The following GRHL2 variants were observed in gnomAD, a reference collection of about 807,000 sequenced individuals.
GRHL2 encodes grainyhead-like protein 2 homolog.
A neutral mutation model predicts 83.8 loss-of-function variants in GRHL2; 21 were observed. The ratio of observed to expected loss-of-function variants is 0.25; its 90% CI spans 0.18 to 0.36. The LOEUF is 0.36. Among genes scored for constraint, GRHL2 ranks in the 10% least tolerant of loss-of-function variants. The pLI is 1.00. For synonymous variants in GRHL2, 280 were observed against 278.9 expected, an observed-to-expected ratio of 1.00 and a Z score of -0.04; for missense variants, 623 against 781.8, an observed-to-expected ratio of 0.80 and a Z score of 2.42.
At chr8:101,493,841 C>A (rs1393142025) in intron 1 of GRHL2, among the ~76,000 whole-genome samples, 1 of 151,942 alleles carries the variant, frequency 6.6e-6, no homozygotes, top group Non-Finnish European at 1.5e-5. Flanking sequence ...GGTCACTGGG[C>A]CCGGTCCGGC....
intron 9 of GRHL2, among the ~76,000 whole-genome samples, chr8:101,628,601 G>A (rs1813125501): frequency 6.6e-6 from 1 of 152,124 alleles, no homozygotes; most frequent in African/African-American, 2.4e-5. Flanking sequence ...TTGTAAGGCT[G>A]TTGCTGGTGT....
chr8:101,646,327 A>G (rs1246790012), intron 13 of GRHL2, among the ~76,000 whole-genome samples: 1 of 152,216 alleles, frequency 6.6e-6, no homozygotes, highest in African/African-American at 2.4e-5. Flanking sequence ...TAGCCTTCAT[A>G]CAGAGTGCTT....
intron 1 of GRHL2, among the ~76,000 whole-genome samples, chr8:101,501,701 C>T (rs1480893065): frequency 6.6e-6 from 1 of 151,666 alleles, no homozygotes; most frequent in Non-Finnish European, 1.5e-5. Flanking sequence ...CTAGAAAGAG[C>T]CTTAGGGATC....
At chr8:101,652,439 G>A (rs969986649) in intron 14 of GRHL2, among the ~76,000 whole-genome samples, 1,951 of 20,842 alleles carry the variant, frequency 0.094, 144 homozygotes, top group Middle Eastern at 0.16. Flanking sequence ...TGTGTGTCTG[G>A]TGTGTGTGGT....
chr8:101,500,493 G>A (rs1810204704), intron 1 of GRHL2, among the ~76,000 whole-genome samples: 1 of 152,074 alleles, frequency 6.6e-6, no homozygotes, highest in Non-Finnish European at 1.5e-5. Flanking sequence ...TATTATAATA[G>A]GTAATAACAA....
intron 2 of GRHL2, among the ~76,000 whole-genome samples, chr8:101,546,192 T>C (rs1811262095): frequency 6.6e-6 from 1 of 152,180 alleles, no homozygotes; most frequent in Non-Finnish European, 1.5e-5. Context: ...TTTGAAACTT[T>C]TATAATGTTA....
chr8:101,497,084 T>C (rs1810122942), intron 1 of GRHL2, among the ~76,000 whole-genome samples: 1 of 152,170 alleles, frequency 6.6e-6, no homozygotes, highest in East Asian at 1.9e-4. Flanking sequence ...TCCCTGAGTA[T>C]CACCAGTTTA....
intron 8 of GRHL2, among the ~76,000 whole-genome samples, chr8:101,617,160 G>A (rs934480805): frequency 9.9e-5 from 15 of 151,512 alleles, no homozygotes; most frequent in Admixed American, 5.3e-4. Flanking sequence ...GATGGTCCTC[G>A]TGTTGTACCT....
intron 2 of GRHL2, among the ~76,000 whole-genome samples, chr8:101,546,781 G>A (rs1338406702): frequency 6.6e-6 from 1 of 152,152 alleles, no homozygotes; most frequent in Non-Finnish European, 1.5e-5. Flanking sequence ...TTAAGTATTA[G>A]TAAATATGGG....
intron 7 of GRHL2, among the ~76,000 whole-genome samples, chr8:101,584,890 G>A (rs941455704): frequency 1.3e-5 from 2 of 152,118 alleles, no homozygotes; most frequent in Non-Finnish European, 2.9e-5. Context: ...TGGTCAGATG[G>A]TCAGGTGGTC....
intron 8 of GRHL2, among the ~76,000 whole-genome samples, chr8:101,615,140 G>A (rs1273256453): frequency 6.6e-6 from 1 of 152,172 alleles, no homozygotes; most frequent in Admixed American, 6.5e-5. Flanking sequence ...TAGCTCATTT[G>A]ACCTTTAAAG....
chr8:101,515,459 A>G (rs915428399), intron 1 of GRHL2, among the ~76,000 whole-genome samples: 2 of 152,126 alleles, frequency 1.3e-5, no homozygotes, highest in Admixed American at 1.3e-4. Context: ...AAAATGTAAA[A>G]TGGGACCAGG....
chr8:101,652,377 TGTGTGTGGTGTGTGTGTGTGTCTG>T (rs1813656836), intron 14 of GRHL2, among the ~76,000 whole-genome samples: 1 of 81,566 alleles, frequency 1.2e-5, no homozygotes, highest in South Asian at 4.5e-4. Flanking sequence ...GTGTCTGATG[TGTGTGTGGTGTGTGTGTGTGTCTG>T]GTGTGTGTGT....
intron 1 of GRHL2, among the ~76,000 whole-genome samples, chr8:101,497,773 A>G (rs763159461): frequency 2.0e-5 from 3 of 152,242 alleles, no homozygotes; most frequent in East Asian, 1.9e-4. Context: ...TGCAATTTAT[A>G]TGCAACTTTT....
intron 9 of GRHL2, among the ~76,000 whole-genome samples, chr8:101,623,543 A>G (rs947503909): frequency 7.0e-6 from 1 of 143,076 alleles, no homozygotes; most frequent in Non-Finnish European, 1.5e-5. Context: ...ACAGTAAGAC[A>G]GTTCACGGTA....
downstream of GRHL2, among the ~76,000 whole-genome samples, chr8:101,671,479 T>C (rs1814208290): frequency 6.8e-6 from 1 of 147,890 alleles, no homozygotes. Flanking sequence ...ACCTGCAAGC[T>C]GGGGGAGGGG....
At chr8:101,625,135 A>T (rs561033847) in intron 9 of GRHL2, among the ~76,000 whole-genome samples, 1 of 152,034 alleles carries the variant, frequency 6.6e-6, no homozygotes. Context: ...TTTATTTCAG[A>T]TATTCCAGGG....
rs773730773 is a variant in GRHL2 at position 101,573,696 on chromosome 8, A to G, written c.763A>G (p.Thr255Ala). 1.9e-6 allele frequency: 3 copies of G among 1,614,206 alleles called. No individual in the cohort carries two copies. The East Asian group carries it at 6.7e-5, about 36-fold the overall frequency. ...CACATTTCAGTACACCCTGGAAGCCACCAAATCTCTCCGTCAGAAGCAGGG... is the reference window on the plus strand; with the variant it reads ...CACATTTCAGTACACCCTGGAAGCCGCCAAATCTCTCCGTCAGAAGCAGGG... ...SGTFQYTLEA[T>A]KSLRQKQGEG... The change falls in exon 6 of 16, where the codon ACC (threonine) becomes GCC (alanine). Residue 255 changes from threonine to alanine, a missense_variant. This residue lies in a region of GRHL2 where 239 missense variants were observed against 240.5 expected (regional missense o/e 0.99). Transcript: ENST00000646743.
chr8:101,558,661 G>A lies in GRHL2; in HGVS notation c.527G>A (p.Arg176Gln), dbSNP rs772933548. 21 of 1,613,968 alleles carry A rather than the reference G, an allele frequency of 1.3e-5. No homozygotes were observed. Among genetic ancestry groups the A allele is most frequent in the East Asian group, 2.2e-5 (1 of 44,886 alleles). ...ATGGCCCCACCTGTGCACTATCCCC[G>A]GGGAGATGGGGAAGAGCAACGAGTG... is the stretch of plus-strand genomic sequence containing the variant. ...VFMAPPVHYPRGDGEEQRVVI... is the reference protein window; with the variant it reads ...VFMAPPVHYPQGDGEEQRVVI... Residue 176 changes from arginine to glutamine, a missense_variant, in exon 4 of 16, where the codon CGG becomes CAG. Coordinates refer to ENST00000646743, the MANE Select transcript of GRHL2 (RefSeq NM_024915.4).
Sources: allele counts gnomAD v4.1 joint callset (sites outside exome capture counted in the v4.1 genomes callset), GRCh38; gene constraint gnomAD v4.1.1; regional missense constraint gnomAD v4.1.1; transcripts MANE v1.5; gene names NCBI Gene and HGNC (gene_info 2026-07-23, HGNC 2026-07-21).